RGS7: variants seen among roughly 807,000 people sequenced by gnomAD.
RGS7 encodes the protein regulator of G protein signaling 7.
Under a neutral mutation model 81.1 loss-of-function variants are expected in RGS7, and 27 were observed. The observed-to-expected ratio is 0.33, with a 90% confidence interval of 0.25 to 0.46. RGS7 has a LOEUF of 0.46. Among genes scored for constraint, RGS7 ranks in the 20% least tolerant of loss-of-function variants. RGS7 has a pLI of 1.00. For synonymous variants in RGS7, 208 were observed against 207.7 expected, an observed-to-expected ratio of 1.00 and a Z score of -0.01; for missense variants, 396 against 607.4, an observed-to-expected ratio of 0.65 and a Z score of 3.66.
intron 2 of RGS7, among the ~76,000 whole-genome samples, chr1:241,314,022 CA>C (rs199666598): frequency 2.0e-5 from 3 of 151,482 alleles, no homozygotes; most frequent in African/African-American, 7.3e-5. Context: ...TATGAATGTG[CA>C]AAAAAAAGTG....
At chr1:241,221,362 G>A (rs763065568) in intron 2 of RGS7, among the ~76,000 whole-genome samples, 14 of 152,274 alleles carry the variant, frequency 9.2e-5, no homozygotes, top group Admixed American at 2.6e-4. Flanking sequence ...ATAGACTGGC[G>A]AGATGCTCAC....
At chr1:241,329,586 G>A (rs1437253854) in intron 2 of RGS7, among the ~76,000 whole-genome samples, 2 of 152,044 alleles carry the variant, frequency 1.3e-5, no homozygotes, top group East Asian at 1.9e-4. Context: ...CAAAGGGCTC[G>A]GTGATATCAG....
chr1:241,032,052 C>T lies in RGS7; in HGVS notation c.176-48923G>A, dbSNP rs184691034. On this transcript the variant is annotated intron_variant, in intron 3 of 18. Coordinates refer to ENST00000440928, the MANE Select transcript of RGS7 (RefSeq NM_001364886.1). ...GTCTCAGTCATGAATTCTTTGCCTA[C>T]GGCAATATCCAGAAGAGTTTTCCCC... 2.7e-3 allele frequency among the ~76,000 whole-genome samples: 405 copies of T among 152,286 alleles called. 4 individuals are homozygous for T. The highest frequency in any genetic ancestry group is 2.7e-3 in the Non-Finnish European group (182 of 68,014).
intron 3 of RGS7, among the ~76,000 whole-genome samples, chr1:241,008,119 GACAAACAA>G (rs145524565): frequency 2.0e-4 from 30 of 151,388 alleles, no homozygotes; most frequent in Non-Finnish European, 3.5e-4. Flanking sequence ...GGCAACAAAA[GACAAACAA>G]ACAAACAAAC....
At chr1:240,820,385 C>T (rs1011203236) in intron 10 of RGS7, among the ~76,000 whole-genome samples, 4 of 152,000 alleles carry the variant, frequency 2.6e-5, no homozygotes, top group Admixed American at 6.6e-5. Flanking sequence ...AAAATAGATT[C>T]GGCCTCCTAC....
intron 2 of RGS7, among the ~76,000 whole-genome samples, chr1:241,237,100 G>T (rs1242989938): frequency 1.3e-5 from 2 of 152,132 alleles, no homozygotes; most frequent in Admixed American, 6.5e-5. Flanking sequence ...AGGAAGAAAA[G>T]AAAATATTTT....
At chr1:241,318,918 G>A (rs145716003) in intron 2 of RGS7, among the ~76,000 whole-genome samples, 7 of 152,030 alleles carry the variant, frequency 4.6e-5, no homozygotes, top group Non-Finnish European at 8.8e-5. Flanking sequence ...AAAAATGCAC[G>A]ACACTTAATT....
chr1:241,113,754 C>G (rs536846311), intron 2 of RGS7, among the ~76,000 whole-genome samples: 1 of 152,234 alleles, frequency 6.6e-6, no homozygotes, highest in South Asian at 2.1e-4. Flanking sequence ...AATGAGAATG[C>G]TACTTCCTTG....
chr1:240,791,139 G>A lies in RGS7; in HGVS notation c.*6+9502C>T, dbSNP rs114256044. Among the ~76,000 whole-genome samples, 741 of 152,306 alleles carry A rather than the reference G, an allele frequency of 4.9e-3. 8 individuals carry two copies. Among genetic ancestry groups the A allele is most frequent in the African/African-American group, 0.017 (699 of 41,570 alleles). The stretch of plus-strand genomic sequence containing the variant: ...CTTTTTTTCCCCCAGGAATAATAGA[G>A]CATTCTAGAGAATGTGCTTTAAATT... On this transcript the variant is annotated intron_variant, in intron 18 of 18. Coordinates refer to ENST00000440928, the MANE Select transcript of RGS7 (RefSeq NM_001364886.1).
intron 2 of RGS7, among the ~76,000 whole-genome samples, chr1:241,175,646 A>G (rs777676232): frequency 3.3e-5 from 5 of 152,212 alleles, no homozygotes; most frequent in Non-Finnish European, 5.9e-5. Flanking sequence ...ATTCACAGAA[A>G]GGAGTGTGCA....
rs145822054 is a variant in RGS7 at position 240,900,118 on chromosome 1, C to T, written c.386-29999G>A. 8.1e-4 allele frequency among the ~76,000 whole-genome samples: 124 copies of T among 152,232 alleles called. 1 individual carries two copies. Among genetic ancestry groups the T allele is most frequent in the African/African-American group, 2.8e-3 (117 of 41,552 alleles). Reference sequence around the variant, plus strand: ...TGTATGTGTCACGTAGTTCTCATGCCACGGTTTTCAGCTACATCAGGTCAT... The same window carrying T: ...TGTATGTGTCACGTAGTTCTCATGCTACGGTTTTCAGCTACATCAGGTCAT... On this transcript the variant is annotated intron_variant, in intron 6 of 18. Coordinates refer to ENST00000440928, the MANE Select transcript of RGS7 (RefSeq NM_001364886.1).
chr1:240,921,848 A>G (rs985125043), intron 6 of RGS7, among the ~76,000 whole-genome samples: 3 of 152,064 alleles, frequency 2.0e-5, no homozygotes, highest in Non-Finnish European at 2.9e-5. Context: ...TGTGAATTCA[A>G]TGCAATCTCC....
At chr1:240,863,595 T>G (rs1010621804) in intron 9 of RGS7, among the ~76,000 whole-genome samples, 8 of 152,242 alleles carry the variant, frequency 5.3e-5, no homozygotes, top group Non-Finnish European at 1.2e-4. Context: ...GGCAGCCCTG[T>G]TGGCAATAGC....
chr1:241,221,139 AAAG>A (rs1416349192), intron 2 of RGS7, among the ~76,000 whole-genome samples: 3 of 151,812 alleles, frequency 2.0e-5, no homozygotes, highest in East Asian at 1.9e-4. Flanking sequence ...GAAAGAAAGA[AAAG>A]AAAAAAGAAA....
intron 3 of RGS7, chr1:240,998,884 T>TAAG: frequency 2.4e-6 from 1 of 422,448 alleles, no homozygotes; most frequent in African/African-American, 2.0e-5. Context: ...AAGCACTTTT[T>TAAG]TAGTCCCCTT....
At chr1:241,242,353 C>G (rs1241198405) in intron 2 of RGS7, among the ~76,000 whole-genome samples, 4 of 95,546 alleles carry the variant, frequency 4.2e-5, no homozygotes, top group Admixed American at 2.1e-4. Flanking sequence ...TAGATAGATA[C>G]AATTTCTTTA....
chr1:240,962,486 C>T (rs534148029), intron 4 of RGS7, among the ~76,000 whole-genome samples: 5 of 152,302 alleles, frequency 3.3e-5, no homozygotes, highest in Middle Eastern at 6.8e-3. Context: ...CCTCAGTCAT[C>T]ATTTATTCAA....
Position 240,936,524 on chromosome 1 carries a change from G to A in RGS7, c.333+76C>T, listed in dbSNP as rs1323057437. On this transcript the variant is annotated intron_variant, in intron 5 of 18. Coordinates refer to ENST00000440928, the MANE Select transcript of RGS7 (RefSeq NM_001364886.1). ...ATAAGTCATAGTTTTTAAAAGTTCT[G>A]TTCAAAAGAAACCTAACTAACAAAC... 3.6e-6 allele frequency: 4 copies of A among 1,116,276 alleles called. No homozygotes were observed. The African/African-American group carries it at 4.6e-5, about 13-fold the overall frequency. 69.1% of individuals were successfully genotyped at this position (1,116,276 alleles called of 1,614,324 possible). A position where few individuals can be genotyped will look rare whatever the true frequency, so the allele number is the denominator to read the frequency against.
rs1446840717 is a variant in RGS7, at chr1:241,197,476, G to C, written c.79-98714C>G. Among the ~76,000 whole-genome samples, 13 of 7,644 alleles carry C rather than the reference G, an allele frequency of 1.7e-3. 6 individuals carry two copies. The Admixed American group carries it at 0.03, about 18-fold the overall frequency. 5.0% of individuals were successfully genotyped at this position (7,644 alleles called of 152,430 possible). On this transcript the variant is annotated intron_variant, in intron 2 of 18. Coordinates refer to ENST00000440928, the MANE Select transcript of RGS7 (RefSeq NM_001364886.1). ...TCACCGTTTTAGCCGGGATGGTCTC[G>C]ATCTCCTGACCTCGTGATCCGCCCG...
Sources: allele counts gnomAD v4.1 joint callset (sites outside exome capture counted in the v4.1 genomes callset), GRCh38; gene constraint gnomAD v4.1.1; transcripts MANE v1.5; gene names NCBI Gene and HGNC (gene_info 2026-07-23, HGNC 2026-07-21).